PITPNC1: variants seen among roughly 807,000 people sequenced by gnomAD.
The protein encoded by PITPNC1 is phosphatidylinositol transfer protein cytoplasmic 1, also known as cytoplasmic phosphatidylinositol transfer protein 1.
In PITPNC1, 18 loss-of-function variants were observed where a neutral mutation model predicts 44.7. The ratio of observed to expected loss-of-function variants is 0.40; its 90% CI spans 0.28 to 0.60. PITPNC1 has a LOEUF of 0.60. PITPNC1 is among the 20% of genes least tolerant of loss of function. The pLI, the probability that PITPNC1 is intolerant of heterozygous loss-of-function variation, is 0.39. For synonymous variants in PITPNC1, 141 were observed against 149.6 expected, an observed-to-expected ratio of 0.94 and a Z score of 0.42; for missense variants, 290 against 418.4, an observed-to-expected ratio of 0.69 and a Z score of 2.68.
chr17:67,428,003 G>A lies in PITPNC1; in HGVS notation c.48+49801G>A, dbSNP rs2038797462. Among the ~76,000 whole-genome samples the A allele has an allele frequency of 2.0e-5, 3 of 152,180 alleles. No homozygotes were observed. In the South Asian group the frequency reaches 6.2e-4, roughly 32 times the overall value. ...TTATTTTATTATTTTATTTTTTACA[G>A]ATGGGGTTCTCGATGTGTTGCCCAC... is the stretch of plus-strand genomic sequence containing the variant. On this transcript the variant is annotated intron_variant, in intron 1 of 8. Coordinates refer to ENST00000581322, the MANE Select transcript of PITPNC1 (RefSeq NM_012417.4).
chr17:67,378,321 C>A, intron 1 of PITPNC1, 119 bp downstream of exon 1: 2 of 588,146 alleles, frequency 3.4e-6, no homozygotes, highest in Non-Finnish European at 5.5e-6. Context: ...ACCCCGCAAA[C>A]CCGAAGCCTG....
chr17:67,677,465 A>G (rs1364747714), intron 8 of PITPNC1, among the ~76,000 whole-genome samples: 2 of 152,146 alleles, frequency 1.3e-5, no homozygotes, highest in Non-Finnish European at 2.9e-5. Flanking sequence ...ATATAGGAAG[A>G]AAACCCAGTG....
intron 1 of PITPNC1, among the ~76,000 whole-genome samples, chr17:67,515,054 C>T (rs2040240274): frequency 6.6e-6 from 1 of 152,192 alleles, no homozygotes; most frequent in Non-Finnish European, 1.5e-5. Context: ...TGCCATCTAA[C>T]CGGGCATCCT....
chr17:67,572,506 T>A (rs147882057), intron 4 of PITPNC1, among the ~76,000 whole-genome samples: 1 of 139,078 alleles, frequency 7.2e-6, no homozygotes. Flanking sequence ...GTGACTTTGA[T>A]GACCACCATT....
intron 5 of PITPNC1, among the ~76,000 whole-genome samples, chr17:67,599,030 A>AT (rs2041503726): frequency 3.3e-5 from 1 of 30,202 alleles, no homozygotes; most frequent in African/African-American, 1.6e-4. Flanking sequence ...ATATATATAT[A>AT]TATATTTTTT....
In PITPNC1 at chr17:67,532,912, C is replaced by G. The variant is rs747586519; in HGVS notation, c.159C>G (p.Gly53=). 11 of 1,610,856 alleles carry G rather than the reference C, an allele frequency of 6.8e-6. No homozygotes were observed. The highest frequency in any genetic ancestry group is 9.3e-6 in the Non-Finnish European group (11 of 1,178,942). ...QNEPFEDPHH[G]NGQFTEKRVY... ...AGCCCTTTGAGGACCCTCACCATGG[C>G]AATGGGCAGTTCACCGAGAAGCGGG... The change falls in exon 2 of 9, where the codon GGC becomes GGG. Residue 53 remains glycine (G), a synonymous_variant. Transcript: ENST00000581322.
intron 5 of PITPNC1, among the ~76,000 whole-genome samples, chr17:67,602,031 G>A (rs569746548): frequency 9.2e-5 from 14 of 152,264 alleles, no homozygotes; most frequent in African/African-American, 2.9e-4. Context: ...GATGAGAAGC[G>A]TCAAAGGATT....
At chr17:67,650,558 C>T (rs1481763453) in intron 6 of PITPNC1, among the ~76,000 whole-genome samples, 1 of 147,206 alleles carries the variant, frequency 6.8e-6, no homozygotes, top group Non-Finnish European at 1.5e-5. Context: ...AAGCGATTCT[C>T]CTGCCTCAGC....
intron 1 of PITPNC1, among the ~76,000 whole-genome samples, chr17:67,489,359 A>T (rs534554305): frequency 3.7e-4 from 57 of 152,182 alleles, no homozygotes; most frequent in Non-Finnish European, 7.3e-4. Context: ...ATGAACCCCC[A>T]AAAGCACAGA....
At chr17:67,679,720 G>A (rs1051525880) in intron 8 of PITPNC1, among the ~76,000 whole-genome samples, 7 of 152,206 alleles carry the variant, frequency 4.6e-5, no homozygotes, top group Admixed American at 6.6e-5. Flanking sequence ...GGAGTTGAGT[G>A]TGTCTTTCAA....
At chr17:67,392,674 C>T (rs1440372214) in intron 1 of PITPNC1, among the ~76,000 whole-genome samples, 2 of 152,120 alleles carry the variant, frequency 1.3e-5, no homozygotes, top group Non-Finnish European at 2.9e-5. Flanking sequence ...GCCCTAGATT[C>T]CCCAGGGGAG....
intron 1 of PITPNC1, among the ~76,000 whole-genome samples, chr17:67,437,804 G>C (rs1218492967): frequency 6.6e-6 from 1 of 152,094 alleles, no homozygotes; most frequent in Non-Finnish European, 1.5e-5. Context: ...GCGGAGGCTC[G>C]GGCCTGTAAT....
intron 6 of PITPNC1, among the ~76,000 whole-genome samples, chr17:67,648,868 A>G (rs1598931411): frequency 6.6e-6 from 1 of 152,230 alleles, no homozygotes; most frequent in East Asian, 1.9e-4. Context: ...TGCAAAAAAA[A>G]GCTGGCTATA....
chr17:67,486,137 A>T (rs748161702), intron 1 of PITPNC1, among the ~76,000 whole-genome samples: 2 of 152,176 alleles, frequency 1.3e-5, no homozygotes, highest in African/African-American at 4.8e-5. Flanking sequence ...TTTTCCTGAC[A>T]TGTACTCAGA....
chr17:67,508,250 TAAGA>T lies in PITPNC1; in HGVS notation c.49-24548_49-24545del, dbSNP rs1222790564. 1.3e-5 allele frequency among the ~76,000 whole-genome samples: 2 copies of T among 152,188 alleles called. No individual in the cohort carries two copies. Among genetic ancestry groups the T allele is most frequent in the Non-Finnish European group, 2.9e-5 (2 of 68,032 alleles). The stretch of plus-strand genomic sequence containing the variant: ...GTCTACAAAGTGAAAGCAAGTTTAT[TAAGA>T]AAGTAGAGAATAAAAGAATGGCTAC... On this transcript the variant is annotated intron_variant, in intron 1 of 8. Transcript: ENST00000581322. This position sits in a 1 kb window ranked among gnomAD's most constrained non-coding sequence, Gnocchi z 4.2.
At chr17:67,513,223 G>C (rs926560437) in intron 1 of PITPNC1, among the ~76,000 whole-genome samples, 3 of 151,800 alleles carry the variant, frequency 2.0e-5, no homozygotes, top group South Asian at 4.2e-4. Context: ...AATTAGCCAG[G>C]CATGGCGGCG....
At chr17:67,687,455 T>A (rs942465105) in intron 8 of PITPNC1, among the ~76,000 whole-genome samples, 6 of 152,316 alleles carry the variant, frequency 3.9e-5, no homozygotes, top group Admixed American at 3.9e-4. Flanking sequence ...GTGGGACTAG[T>A]AAAACGGCCT....
intron 6 of PITPNC1, among the ~76,000 whole-genome samples, chr17:67,664,217 G>A (rs370247926): frequency 1.6e-4 from 25 of 152,090 alleles, no homozygotes; most frequent in Admixed American, 3.9e-4. Context: ...CACCCACCTC[G>A]GCTTCCCAAA....
intron 8 of PITPNC1, among the ~76,000 whole-genome samples, chr17:67,684,498 A>T (rs1213592779): frequency 2.0e-5 from 3 of 152,092 alleles, no homozygotes; most frequent in Admixed American, 6.6e-5. Context: ...AAAAATGTAG[A>T]TAAGCAAAAA....
Sources: allele counts gnomAD v4.1 joint callset (sites outside exome capture counted in the v4.1 genomes callset), GRCh38; gene constraint gnomAD v4.1.1; non-coding constraint Gnocchi (gnomAD v3.1); transcripts MANE v1.5; gene names NCBI Gene and HGNC (gene_info 2026-07-23, HGNC 2026-07-21).